The following PHACTR1 variants were observed in gnomAD, a reference collection of about 807,000 sequenced individuals.
The protein encoded by PHACTR1 is phosphatase and actin regulator 1, also known as RPEL repeat containing 1.
Under a neutral mutation model 69.2 loss-of-function variants are expected in PHACTR1, and 16 were observed. That is an observed-to-expected ratio of 0.23 (90% CI 0.16 to 0.35). The LOEUF is 0.35. Ranked by LOEUF, PHACTR1 falls within the 10% of genes least tolerant of loss-of-function variation. The pLI, the probability that PHACTR1 is intolerant of heterozygous loss-of-function variation, is 1.00. For synonymous variants in PHACTR1, 312 were observed against 284.5 expected (o/e 1.10, Z -0.97); for missense variants, 510 against 734.7 (o/e 0.69, Z 3.54).
intron 4 of PHACTR1, among the ~76,000 whole-genome samples, chr6:12,919,650 A>T (rs928014598): frequency 6.6e-6 from 1 of 152,208 alleles, no homozygotes; most frequent in Non-Finnish European, 1.5e-5. Context: ...GCTTCCCATG[A>T]CTTTGGGCTC....
chr6:12,916,024 C>T lies in PHACTR1; in HGVS notation c.251-137341C>T, dbSNP rs374582491. ...GATGTTAATACCAGGCAAAACTGTG[C>T]GTGGAGAAAAGGGTAATACATGGGT... is the stretch of plus-strand genomic sequence containing the variant. On this transcript the variant is annotated intron_variant, in intron 4 of 14. Coordinates refer to ENST00000332995, the MANE Select transcript of PHACTR1 (RefSeq NM_030948.6). Among the ~76,000 whole-genome samples, 11 of 152,260 alleles carry T rather than the reference C, an allele frequency of 7.2e-5. No individual in the cohort carries two copies. The South Asian group carries it at 1.2e-3, about 17-fold the overall frequency.
At chr6:13,075,637 C>T (rs1003189237) in intron 5 of PHACTR1, among the ~76,000 whole-genome samples, 2 of 152,142 alleles carry the variant, frequency 1.3e-5, no homozygotes, top group African/African-American at 4.8e-5. Flanking sequence ...GTGCCCCTTG[C>T]GGCCGTCCTT....
intron 5 of PHACTR1, among the ~76,000 whole-genome samples, chr6:13,158,160 G>A (rs993978902): frequency 6.6e-6 from 1 of 152,118 alleles, no homozygotes; most frequent in African/African-American, 2.4e-5. Flanking sequence ...GGGATTATAG[G>A]TGTGAACCCC....
chr6:12,721,451 G>C (rs1762117613), intron 3 of PHACTR1, among the ~76,000 whole-genome samples: 1 of 151,432 alleles, frequency 6.6e-6, no homozygotes, highest in Non-Finnish European at 1.5e-5. Context: ...AAGTTAAAAA[G>C]TTAAACCTAT....
chr6:12,753,075 C>CA (rs1561850408), intron 4 of PHACTR1, among the ~76,000 whole-genome samples: 1 of 152,138 alleles, frequency 6.6e-6, no homozygotes, highest in Non-Finnish European at 1.5e-5. Context: ...TTAAAACATT[C>CA]AAAAAGGGAT....
At chr6:13,190,006 C>G (rs1341551186) in intron 7 of PHACTR1, among the ~76,000 whole-genome samples, 2 of 146,890 alleles carry the variant, frequency 1.4e-5, no homozygotes, top group Admixed American at 6.8e-5. Context: ...AGAAAGAGAT[C>G]TCTGATATCT....
rs62387057 is a variant in PHACTR1, at chr6:12,789,450, A to T, written c.250+39660A>T. ...TGGTTCTCTCATCTCCTCCATCCAT[A>T]CCAACTCCCTCAATGATCTCAATTG... is the stretch of plus-strand genomic sequence containing the variant. On this transcript the variant is annotated intron_variant, in intron 4 of 14. Transcript: ENST00000332995. 8.9e-3 allele frequency among the ~76,000 whole-genome samples: 1,359 copies of T among 152,008 alleles called. 13 individuals carry two copies. The highest frequency in any genetic ancestry group is 0.017 in the Middle Eastern group (5 of 294).
intron 4 of PHACTR1, among the ~76,000 whole-genome samples, chr6:13,022,704 C>G (rs1801143272): frequency 1.3e-5 from 2 of 151,656 alleles, no homozygotes; most frequent in Admixed American, 6.6e-5. Context: ...CTGGTGACAT[C>G]AAAGTTGCTG....
chr6:13,209,405 G>T (rs1561998266), intron 8 of PHACTR1, among the ~76,000 whole-genome samples: 2 of 152,180 alleles, frequency 1.3e-5, no homozygotes, highest in African/African-American at 4.8e-5. Flanking sequence ...TGCAAGAAGG[G>T]AGAGGCATTA....
At chr6:13,015,550 A>G (rs1042343442) in intron 4 of PHACTR1, among the ~76,000 whole-genome samples, 2 of 152,212 alleles carry the variant, frequency 1.3e-5, no homozygotes, top group East Asian at 3.8e-4. Context: ...GCAGGCTAAA[A>G]TGGTTATTAA....
intron 4 of PHACTR1, among the ~76,000 whole-genome samples, chr6:12,938,927 T>C (rs975548439): frequency 2.6e-5 from 4 of 152,208 alleles, no homozygotes; most frequent in Admixed American, 2.0e-4. Flanking sequence ...TTTCATTGTA[T>C]GGATATACCA....
At chr6:13,133,758 C>G (rs1430301013) in intron 5 of PHACTR1, among the ~76,000 whole-genome samples, 1 of 151,766 alleles carries the variant, frequency 6.6e-6, no homozygotes, top group Non-Finnish European at 1.5e-5. Context: ...GGCCGCCCAT[C>G]GTCTGGGATG....
At chr6:13,281,049 T>C (rs1180235427) in intron 12 of PHACTR1, 3 of 1,289,640 alleles carry the variant, frequency 2.3e-6, no homozygotes, top group African/African-American at 1.5e-5. Flanking sequence ...TTGTGCTCTA[T>C]GCTGTCTTGA....
intron 4 of PHACTR1, among the ~76,000 whole-genome samples, chr6:12,952,926 T>C (rs976108117): frequency 2.0e-5 from 3 of 152,170 alleles, no homozygotes; most frequent in African/African-American, 7.2e-5. Context: ...TAGAAACTAC[T>C]AGAGAGCCAA....
rs1770076872 is a variant in PHACTR1, at chr6:13,227,944, G to C, written c.1115G>C (p.Cys372Ser). ...IRQVPTVVIE[C>S]DDNKENVPHE... is the part of the protein sequence containing the mutation. ...CAAGTGCCAACTGTTGTGATTGAAT[G>C]TGATGACAATAAAGAAAATGTGCCT... Residue 372 changes from cysteine to serine, a missense_variant, in exon 9 of 15, where the codon TGT becomes TCT. Coordinates refer to ENST00000332995, the MANE Select transcript of PHACTR1 (RefSeq NM_030948.6). 6.2e-7 allele frequency: 1 copy of C among 1,613,930 alleles called. No individual in the cohort carries two copies. Among genetic ancestry groups the C allele is most frequent in the Non-Finnish European group, 8.5e-7 (1 of 1,179,908 alleles).
intron 5 of PHACTR1, among the ~76,000 whole-genome samples, chr6:13,058,575 A>G (rs781422998): frequency 4.6e-5 from 7 of 152,184 alleles, no homozygotes; most frequent in African/African-American, 9.7e-5. Flanking sequence ...AGCTGGTCCA[A>G]TGTTGAAATT....
intron 4 of PHACTR1, among the ~76,000 whole-genome samples, chr6:12,811,462 T>C (rs1481988847): frequency 2.0e-5 from 3 of 152,254 alleles, no homozygotes; most frequent in Non-Finnish European, 2.9e-5. Context: ...AAATGCTATA[T>C]ATCTTGACAC....
At chr6:12,844,699 T>A (rs1779029153) in intron 4 of PHACTR1, among the ~76,000 whole-genome samples, 1 of 143,122 alleles carries the variant, frequency 7.0e-6, no homozygotes, top group Non-Finnish European at 1.5e-5. Context: ...TTCTGGAGCC[T>A]GCAATGTTTC....
At chr6:12,780,247 CTCTG>C (rs1770636737) in intron 4 of PHACTR1, among the ~76,000 whole-genome samples, 1 of 96,470 alleles carries the variant, frequency 1.0e-5, no homozygotes, top group African/African-American at 3.6e-5. Flanking sequence ...TATATCTTTT[CTCTG>C]TGTGTGTGTG....
Sources: gnomAD v4.1 joint callset for allele counts (sites outside exome capture counted in the v4.1 genomes callset) on GRCh38, gnomAD v4.1.1 for gene constraint, MANE v1.5 for transcripts, NCBI Gene and HGNC (gene_info 2026-07-23, HGNC 2026-07-21) for gene names.